The following CASQ2 variants were observed in gnomAD, a reference collection of about 807,000 sequenced individuals.
The protein encoded by CASQ2 is calsequestrin 2, also known as calsequestrin-2.
CASQ2 carries 49 observed loss-of-function variants against 46.5 expected under a neutral mutation model. The ratio of observed to expected loss-of-function variants is 1.05; its 90% CI spans 0.84 to 1.34. CASQ2 has a LOEUF of 1.34. Ranked by LOEUF, CASQ2 falls within the 40% of genes most tolerant of loss-of-function variation. The probability of loss-of-function intolerance (pLI) is 0.00; values close to 1 mark genes in which losing one functional copy is unlikely to be tolerated. For synonymous variants in CASQ2, 174 were observed against 168.5 expected (o/e 1.03, Z -0.25); for missense variants, 486 against 481.3 (o/e 1.01, Z -0.09).
At chr1:115,709,875 C>T (rs1654487862) in intron 8 of CASQ2, among the ~76,000 whole-genome samples, 1 of 152,174 alleles carries the variant, frequency 6.6e-6, no homozygotes, top group Admixed American at 6.5e-5. Flanking sequence ...TGGAGTCTTG[C>T]TCTGTTCCCC....
chr1:115,715,608 T>TA (rs1654676936), intron 8 of CASQ2, among the ~76,000 whole-genome samples: 1 of 152,250 alleles, frequency 6.6e-6, no homozygotes, highest in East Asian at 1.9e-4. Context: ...TAGAATTAGA[T>TA]ACTGATTATG....
intron 8 of CASQ2, among the ~76,000 whole-genome samples, chr1:115,717,459 C>T (rs1411585305): frequency 6.6e-6 from 1 of 152,190 alleles, no homozygotes; most frequent in South Asian, 2.1e-4. Flanking sequence ...CCATGATCCT[C>T]TTAAAAACCC....
At position 115,717,870 on chromosome 1, in the gene CASQ2, T is replaced by G. The variant is rs1347814375; in HGVS notation, c.808A>C (p.Ile270Leu). ...TCACTCTTCTCTGCAAAGGCCACAATGTGGATCCCATTCAAATCATCTTCC... is the reference window on the plus strand; with the variant it reads ...TCACTCTTCTCTGCAAAGGCCACAAGGTGGATCCCATTCAAATCATCTTCC... The part of the protein sequence containing the change: ...TWEDDLNGIH[I>L]VAFAEKSDPD... Residue 270 changes from isoleucine to leucine, a missense_variant, in exon 8 of 11, where the codon ATT (isoleucine) becomes CTT (leucine). By Grantham distance (5) the Ile-to-Leu change is conservative (BLOSUM62 2). Transcript: ENST00000261448. The G allele has an allele frequency of 1.2e-6, 2 of 1,611,304 alleles. No homozygotes were observed. Among genetic ancestry groups the G allele is most frequent in the Non-Finnish European group, 1.7e-6 (2 of 1,177,560 alleles).
In CASQ2 at chr1:115,756,663, G is replaced by A. The variant is rs118129210; in HGVS notation, c.234+11645C>T. Among the ~76,000 whole-genome samples the A allele has an allele frequency of 4.4e-4, 67 of 152,178 alleles. No individual in the cohort carries two copies. The East Asian group carries it at 0.012, about 28-fold the overall frequency. On this transcript the variant is annotated intron_variant, in intron 1 of 10. Coordinates refer to ENST00000261448, the MANE Select transcript of CASQ2 (RefSeq NM_001232.4). ...CCCCGTTTTAAAATTTATAACTTTG[G>A]GGGCTGGGCATGGTGGCGTGTGCCT...
In CASQ2 at chr1:115,701,432, G is replaced by A. The variant is rs1654202822; in HGVS notation, c.1015-6C>T. On this transcript the variant is annotated splice_region_variant and splice_polypyrimidine_tract_variant and intron_variant, in intron 10 of 10. Transcript: ENST00000261448. ...TCCATCCAGACACTGTCAGCCTGCA[G>A]TGAGGGACAAAATGAATGAGTGGGT... 17 of 1,593,536 alleles carry A rather than the reference G, an allele frequency of 1.1e-5. No individual in the cohort carries two copies. Among genetic ancestry groups the A allele is most frequent in the Non-Finnish European group, 1.4e-5 (16 of 1,161,346 alleles).
At chr1:115,718,313 GTC>G (rs1647244873) in intron 7 of CASQ2, among the ~76,000 whole-genome samples, 1 of 152,216 alleles carries the variant, frequency 6.6e-6, no homozygotes, top group Non-Finnish European at 1.5e-5. Flanking sequence ...GCAGCTGTCA[GTC>G]TCTGTTTCAA....
chr1:115,728,659 G>A (rs1647677629), intron 5 of CASQ2, among the ~76,000 whole-genome samples: 1 of 152,212 alleles, frequency 6.6e-6, no homozygotes, highest in Admixed American at 6.5e-5. Context: ...CACGTGCCAG[G>A]CACTGCTGCC....
intron 5 of CASQ2, among the ~76,000 whole-genome samples, chr1:115,731,148 T>C (rs1419746741): frequency 6.6e-6 from 1 of 152,238 alleles, no homozygotes; most frequent in Non-Finnish European, 1.5e-5. Flanking sequence ...CTGGCACTTA[T>C]GACTCAGTGT....
At chr1:115,768,268 C>G (rs750354057) in intron 1 of CASQ2, 40 bp downstream of exon 1, 32 of 1,322,792 alleles carry the variant, frequency 2.4e-5, no homozygotes, top group Non-Finnish European at 3.3e-5. Context: ...CTCGGCACCT[C>G]ACTGAGGCAG....
At chr1:115,753,243 G>A (rs1386428214) in intron 1 of CASQ2, among the ~76,000 whole-genome samples, 7 of 152,150 alleles carry the variant, frequency 4.6e-5, no homozygotes, top group African/African-American at 7.2e-5. Context: ...TTTGGGAGAC[G>A]AGTATGAAAG....
chr1:115,705,167 T>G, intron 9 of CASQ2, 25 bp downstream of exon 9: 1 of 1,422,220 alleles, frequency 7.0e-7, no homozygotes, highest in Non-Finnish European at 1.0e-6. Flanking sequence ...CAACTGAGGG[T>G]GGGGCGCTGG....
At chr1:115,725,937 G>C (rs1647569470) in intron 6 of CASQ2, among the ~76,000 whole-genome samples, 1 of 152,198 alleles carries the variant, frequency 6.6e-6, no homozygotes. Context: ...GGGAAAACAG[G>C]AAATCTCGGA....
chr1:115,726,995 T>C lies in CASQ2; in HGVS notation c.734A>G (p.Gln245Arg). 4 of 1,612,620 alleles carry C rather than the reference T, an allele frequency of 2.5e-6. No homozygotes were observed. Among genetic ancestry groups the C allele is most frequent in the Non-Finnish European group, 3.4e-6 (4 of 1,179,188 alleles). Reference sequence around the variant, plus strand: ...CCCCACATGCCATCTCAGGCACCTTTGGTGTTCCTTCACAAACTCCACCAG... The same window carrying C: ...CCCCACATGCCATCTCAGGCACCTTCGGTGTTCCTTCACAAACTCCACCAG... ...EELVEFVKEHQRPTLRRLRPE... is the reference protein window; with the variant it reads ...EELVEFVKEHRRPTLRRLRPE... Residue 245 changes from glutamine to arginine, a missense_variant, in exon 6 of 11, where the codon CAA becomes CGA. Transcript: ENST00000261448.
chr1:115,758,660 C>G (rs1490262458), intron 1 of CASQ2, among the ~76,000 whole-genome samples: 1 of 152,144 alleles, frequency 6.6e-6, no homozygotes, highest in Non-Finnish European at 1.5e-5. Context: ...AGTTCTCACT[C>G]TATTAGTTCC....
At chr1:115,714,570 GA>G (rs1654641614) in intron 8 of CASQ2, among the ~76,000 whole-genome samples, 1 of 152,176 alleles carries the variant, frequency 6.6e-6, no homozygotes, top group Admixed American at 6.5e-5. Flanking sequence ...TGGTTGGGGT[GA>G]AAGGCCATGT....
At chr1:115,726,747 TG>T (rs1198795170) in intron 6 of CASQ2, among the ~76,000 whole-genome samples, 2 of 152,242 alleles carry the variant, frequency 1.3e-5, no homozygotes, top group Admixed American at 6.5e-5. Context: ...TATCTTGCCC[TG>T]GCTTTGAGGG....
At chr1:115,728,282 A>G (rs1647664172) in intron 5 of CASQ2, among the ~76,000 whole-genome samples, 1 of 152,236 alleles carries the variant, frequency 6.6e-6, no homozygotes, top group South Asian at 2.1e-4. Flanking sequence ...ATTCCAGGTC[A>G]CTATATTCTG....
intron 4 of CASQ2, among the ~76,000 whole-genome samples, chr1:115,735,191 T>A (rs939441846): frequency 5.3e-5 from 8 of 152,238 alleles, no homozygotes; most frequent in African/African-American, 1.9e-4. Flanking sequence ...TGAATCTGCA[T>A]TCCACAAAAA....
chr1:115,745,376 T>A (rs867939291), intron 1 of CASQ2, among the ~76,000 whole-genome samples: 1 of 151,916 alleles, frequency 6.6e-6, no homozygotes, highest in South Asian at 2.1e-4. Context: ...ATTCCCCCAC[T>A]CCTGGGCTTG....
Sources: gnomAD v4.1 joint callset for allele counts (sites outside exome capture counted in the v4.1 genomes callset) on GRCh38, gnomAD v4.1.1 for gene constraint, MANE v1.5 for transcripts, NCBI Gene and HGNC (gene_info 2026-07-23, HGNC 2026-07-21) for gene names.